JMJD1C: variants seen among roughly 807,000 people sequenced by gnomAD.
JMJD1C encodes the protein jumonji domain containing 1C.
Under a neutral mutation model 245.3 loss-of-function variants are expected in JMJD1C, and 31 were observed. The ratio of observed to expected loss-of-function variants is 0.13; its 90% CI spans 0.09 to 0.17. The LOEUF is 0.17. Ranked by LOEUF, JMJD1C falls within the 10% of genes least tolerant of loss-of-function variation. The probability of loss-of-function intolerance (pLI) is 1.00; values close to 1 mark genes in which losing one functional copy is unlikely to be tolerated. For missense variants in JMJD1C, 2,691 were observed against 3,000.2 expected (o/e 0.90, Z 2.41); for synonymous variants, 1,057 against 1,017.4 (o/e 1.04, Z -0.74).
rs1439379188 is a variant in JMJD1C at position 63,361,610 on chromosome 10, C to CA, written c.333+18707dup. On this transcript the variant is annotated intron_variant, in intron 2 of 25. Transcript: ENST00000399262. ...AGCTTCCTCTCAATTTTATTTACAG[C>CA]ATGTCTTAAGTTAAGGACTCAGTAA... Among the ~76,000 whole-genome samples, 13 of 149,948 alleles carry CA rather than the reference C, an allele frequency of 8.7e-5. No homozygotes were observed. In the East Asian group the frequency reaches 2.3e-3, roughly 27 times the overall value.
intron 2 of JMJD1C, among the ~76,000 whole-genome samples, chr10:63,312,352 C>G (rs1326586656): frequency 6.6e-6 from 1 of 152,122 alleles, no homozygotes; most frequent in African/African-American, 2.4e-5. Flanking sequence ...AGGTGATCCG[C>G]CCACCTTGGC....
At chr10:63,425,907 G>A (rs1261028034) in intron 1 of JMJD1C, among the ~76,000 whole-genome samples, 1 of 152,152 alleles carries the variant, frequency 6.6e-6, no homozygotes, top group African/African-American at 2.4e-5. Flanking sequence ...ATATGCAAAG[G>A]CCAAGGACAC....
chr10:63,467,965 T>C (rs1953366757), upstream of JMJD1C, among the ~76,000 whole-genome samples: 1 of 152,190 alleles, frequency 6.6e-6, no homozygotes, highest in Non-Finnish European at 1.5e-5. Flanking sequence ...CTCACCAAAT[T>C]ACATTCTTAA....
chr10:63,382,827 T>C (rs762456496), intron 1 of JMJD1C: 1 of 456,050 alleles, frequency 2.2e-6, no homozygotes, highest in South Asian at 1.5e-5. Flanking sequence ...TTCCACTTAT[T>C]TGAATCATGG....
At chr10:63,271,644 T>G (rs1856315686) in intron 2 of JMJD1C, among the ~76,000 whole-genome samples, 1 of 151,068 alleles carries the variant, frequency 6.6e-6, no homozygotes, top group South Asian at 2.1e-4. Context: ...CACTGCCTCC[T>G]GGGTTCAAGC....
At chr10:63,519,991 A>T (rs995849218) in intron 1 of JMJD1C, among the ~76,000 whole-genome samples, 1 of 152,184 alleles carries the variant, frequency 6.6e-6, no homozygotes, top group African/African-American at 2.4e-5. Flanking sequence ...GCCAAAAATA[A>T]AAGATTCAGA....
chr10:63,499,156 C>T (rs1293083936), intron 1 of JMJD1C, among the ~76,000 whole-genome samples: 1 of 152,152 alleles, frequency 6.6e-6, no homozygotes, highest in Non-Finnish European at 1.5e-5. Context: ...CTTGGTTATT[C>T]TGAATAGTGC....
intron 1 of JMJD1C, among the ~76,000 whole-genome samples, chr10:63,391,539 C>CAACAAA (rs1554917392): frequency 2.0e-5 from 3 of 148,258 alleles, no homozygotes; most frequent in East Asian, 2.1e-4. Flanking sequence ...ACAACAACAA[C>CAACAAA]AAAAAAGACA....
chr10:63,238,006 TAAAAAAA>T (rs35736445), intron 3 of JMJD1C, among the ~76,000 whole-genome samples: 1 of 27,616 alleles, frequency 3.6e-5, no homozygotes, highest in African/African-American at 1.6e-4. Context: ...CCGTCTCTAC[TAAAAAAA>T]AAAAAAAAAA....
At chr10:63,385,813 A>G (rs1947547379) in intron 1 of JMJD1C, among the ~76,000 whole-genome samples, 1 of 152,126 alleles carries the variant, frequency 6.6e-6, no homozygotes, top group Non-Finnish European at 1.5e-5. Flanking sequence ...TACGATAAAA[A>G]ATGTATATTT....
intron 2 of JMJD1C, among the ~76,000 whole-genome samples, chr10:63,301,528 G>C (rs764405172): frequency 6.6e-6 from 1 of 152,112 alleles, no homozygotes; most frequent in Non-Finnish European, 1.5e-5. Flanking sequence ...TAAAACAAAT[G>C]GCTAATCATT....
At position 63,193,933 on chromosome 10, in the gene JMJD1C, T is replaced by A. The variant is rs560256277; in HGVS notation, c.5734+353A>T. ...CGCCGGCCTTGGCCTCCCAAAATGC[T>A]GGGATTACAGGCGTGAGCCACTGCG... On this transcript the variant is annotated intron_variant, in intron 14 of 25. Coordinates refer to ENST00000399262, the MANE Select transcript of JMJD1C (RefSeq NM_032776.3). Among the ~76,000 whole-genome samples, 6 of 152,392 alleles carry A rather than the reference T, an allele frequency of 3.9e-5. No individual in the cohort carries two copies. The East Asian group carries it at 1.2e-3, about 29-fold the overall frequency.
chr10:63,382,207 G>A (rs1007239509), intron 1 of JMJD1C, among the ~76,000 whole-genome samples: 4 of 152,080 alleles, frequency 2.6e-5, no homozygotes, highest in East Asian at 1.9e-4. Flanking sequence ...GCAAAACTCC[G>A]TCACACACAC....
intron 1 of JMJD1C, among the ~76,000 whole-genome samples, chr10:63,419,834 T>TA (rs34006135): frequency 0.38 from 42,853 of 114,000 alleles, 8,131 homozygotes; most frequent in Non-Finnish European, 0.45. Context: ...CTCCATGAAA[T>TA]AAAAAAAAAA....
At chr10:63,333,962 A>T (rs1009138692) in intron 2 of JMJD1C, among the ~76,000 whole-genome samples, 2 of 152,068 alleles carry the variant, frequency 1.3e-5, no homozygotes, top group African/African-American at 2.4e-5. Flanking sequence ...CAGATCAATT[A>T]AAAAAAATAA....
At chr10:63,285,145 G>A (rs1335356953) in intron 2 of JMJD1C, among the ~76,000 whole-genome samples, 1 of 152,054 alleles carries the variant, frequency 6.6e-6, no homozygotes, top group Non-Finnish European at 1.5e-5. Flanking sequence ...ACAAAATGTC[G>A]AGTTATCTCA....
At chr10:63,180,834 T>C (rs920858118) in intron 22 of JMJD1C, among the ~76,000 whole-genome samples, 12 of 150,562 alleles carry the variant, frequency 8.0e-5, no homozygotes, top group Non-Finnish European at 1.8e-4. Context: ...AGTGGCGGGA[T>C]CTCGGCTCAC....
At chr10:63,326,913 A>G (rs184491203) in intron 2 of JMJD1C, among the ~76,000 whole-genome samples, 138 of 152,256 alleles carry the variant, frequency 9.1e-4, no homozygotes, top group African/African-American at 3.2e-3. Context: ...GGGGCTGGGC[A>G]TGGTGGCTCA....
At chr10:63,310,000 A>G (rs1342139002) in intron 2 of JMJD1C, among the ~76,000 whole-genome samples, 1 of 152,240 alleles carries the variant, frequency 6.6e-6, no homozygotes, top group Non-Finnish European at 1.5e-5. Flanking sequence ...TCACGTCACA[A>G]TAATTAGCTG....
Sources: gnomAD v4.1 joint callset for allele counts (sites outside exome capture counted in the v4.1 genomes callset) on GRCh38, gnomAD v4.1.1 for gene constraint, MANE v1.5 for transcripts, NCBI Gene and HGNC (gene_info 2026-07-23, HGNC 2026-07-21) for gene names.